Variants in DARS1 observed in about 807,000 individuals in gnomAD.
The protein encoded by DARS1 is aspartate--tRNA ligase, cytoplasmic.
DARS1 carries 51 observed loss-of-function variants against 68.8 expected under a neutral mutation model. The ratio of observed to expected loss-of-function variants is 0.74; its 90% confidence interval spans 0.59 to 0.94. The LOEUF (loss-of-function observed/expected upper bound fraction) is 0.94. Ranked by LOEUF, DARS1 falls within the 40% of genes least tolerant of loss-of-function variation. The pLI is 0.00. For missense variants in DARS1, 607 were observed against 597.3 expected, an observed-to-expected ratio of 1.02 and a Z score of -0.17; for synonymous variants, 203 against 190.4, an observed-to-expected ratio of 1.07 and a Z score of -0.55.
intron 5 of DARS1, among the ~76,000 whole-genome samples, chr2:135,936,025 G>C (rs942104968): frequency 1.1e-4 from 17 of 152,168 alleles, no homozygotes; most frequent in African/African-American, 4.1e-4. Flanking sequence ...GAGAGCTGAA[G>C]AGCTGCTACT....
intron 7 of DARS1, among the ~76,000 whole-genome samples, chr2:135,930,159 CA>C (rs1202921532): frequency 6.6e-6 from 1 of 152,130 alleles, no homozygotes; most frequent in Non-Finnish European, 1.5e-5. Flanking sequence ...CCCACAGGGT[CA>C]AAGTAGGGTT....
In DARS1 at chr2:135,922,762, A is replaced by G. The variant is rs199791854; in HGVS notation, c.811+22T>C. 6.3e-5 allele frequency: 96 copies of G among 1,524,724 alleles called. No homozygotes were observed. The African/African-American group carries it at 1.3e-3, about 20-fold the overall frequency. The allele number at this position is 1,524,724 out of a possible 1,614,324, so 94.4% of individuals were successfully genotyped here. The stretch of plus-strand genomic sequence containing the variant: ...CTGTATAATTAATTAACTTGGATAA[A>G]ACATAACTGCCAAAATCTTACCTGG... On this transcript the variant is annotated intron_variant, in intron 9 of 15. Coordinates refer to ENST00000264161, the MANE Select transcript of DARS1 (RefSeq NM_001349.4).
Position 135,916,375 on chromosome 2 carries a change from A to T in DARS1, c.960-3T>A. ...CTGTTTGAATTTCAGTCTGAAACCT[A>T]TTTGCAGAATGATTTAGTTAATAAA... On this transcript the variant is annotated splice_region_variant and splice_polypyrimidine_tract_variant and intron_variant, in intron 10 of 15. Coordinates refer to ENST00000264161, the MANE Select transcript of DARS1 (RefSeq NM_001349.4). 1 of 1,498,718 alleles carries T rather than the reference A, an allele frequency of 6.7e-7. No homozygotes were observed. The highest frequency in any genetic ancestry group is 9.3e-7 in the Non-Finnish European group (1 of 1,076,550). The allele number at this position is 1,498,718 out of a possible 1,614,324, so 92.8% of individuals were successfully genotyped here.
intron 12 of DARS1, among the ~76,000 whole-genome samples, chr2:135,913,867 A>C (rs950838110): frequency 6.6e-6 from 1 of 152,240 alleles, no homozygotes; most frequent in Non-Finnish European, 1.5e-5. Context: ...CTGCTGAAAC[A>C]GCATTTTAAA....
chr2:135,921,235 T>C (rs1308810888), intron 9 of DARS1, among the ~76,000 whole-genome samples: 2 of 151,610 alleles, frequency 1.3e-5, no homozygotes, highest in Non-Finnish European at 1.5e-5. Flanking sequence ...GCTCAGAAAC[T>C]TACAATGGTT....
intron 5 of DARS1, among the ~76,000 whole-genome samples, chr2:135,942,720 T>C (rs1681630746): frequency 6.6e-6 from 1 of 152,136 alleles, no homozygotes; most frequent in Admixed American, 6.6e-5. Flanking sequence ...TCAAAAAACT[T>C]ATAGCAAGAT....
chr2:135,936,778 A>G (rs1429255811), intron 5 of DARS1, among the ~76,000 whole-genome samples: 1 of 151,988 alleles, frequency 6.6e-6, no homozygotes, highest in Non-Finnish European at 1.5e-5. Flanking sequence ...AGTAAAAATT[A>G]CAAGGTTTTG....
intron 10 of DARS1, among the ~76,000 whole-genome samples, chr2:135,920,094 C>T (rs1306274842): frequency 2.0e-5 from 3 of 152,154 alleles, no homozygotes; most frequent in Non-Finnish European, 2.9e-5. Context: ...TACACACTAC[C>T]CTCATACTGT....
In DARS1 at chr2:135,971,549, T is replaced by G. The variant is rs935682065; in HGVS notation, c.217+7725A>C. On this transcript the variant is annotated intron_variant, in intron 3 of 15. Transcript: ENST00000264161. ...CTGGAACACGACAAGGATGCTCATT[T>G]TCACCACTGTTATTCAACATAGGAC... 2.0e-5 allele frequency among the ~76,000 whole-genome samples: 3 copies of G among 152,202 alleles called. No individual in the cohort carries two copies. The South Asian group carries it at 6.2e-4, about 31-fold the overall frequency.
rs551475046 is a variant in DARS1 at position 135,906,168 on chromosome 2, A to G, written c.*1148T>C. ...CCTTTAACTTTCAAACATAATGGGCAGATGTTCGTGGTCCAGGGGTAACTT... is the reference window on the plus strand; with the variant it reads ...CCTTTAACTTTCAAACATAATGGGCGGATGTTCGTGGTCCAGGGGTAACTT... On this transcript the variant is annotated 3_prime_UTR_variant, in exon 16 of 16. Transcript: ENST00000264161. Among the ~76,000 whole-genome samples the G allele has an allele frequency of 8.7e-4, 132 of 152,334 alleles. 3 individuals carry two copies. Among genetic ancestry groups the G allele is most frequent in the African/African-American group, 2.8e-3 (115 of 41,562 alleles).
intron 10 of DARS1, among the ~76,000 whole-genome samples, chr2:135,919,241 G>T (rs1681065641): frequency 6.6e-6 from 1 of 152,012 alleles, no homozygotes; most frequent in African/African-American, 2.4e-5. Flanking sequence ...AAGTTGGCCG[G>T]GTCGGTCTTG....
chr2:135,942,654 AAT>A (rs1287903157), intron 5 of DARS1, among the ~76,000 whole-genome samples: 1 of 152,218 alleles, frequency 6.6e-6, no homozygotes, highest in African/African-American at 2.4e-5. Context: ...AAAGTATAAA[AAT>A]AAAGGAAAAG....
Position 135,962,096 on chromosome 2 carries a change from T to C in DARS1, c.218-598A>G, listed in dbSNP as rs565661821. Among the ~76,000 whole-genome samples, 4 of 152,336 alleles carry C rather than the reference T, an allele frequency of 2.6e-5. No individual in the cohort carries two copies. In the South Asian group the frequency reaches 8.3e-4, roughly 32 times the overall value. On this transcript the variant is annotated intron_variant, in intron 3 of 15. Transcript: ENST00000264161. ...CACCTTCCTAGTCCTTCATATTTTA[T>C]GAGTCTCGCATTTTTTTTTACTCCA...
intron 3 of DARS1, among the ~76,000 whole-genome samples, chr2:135,975,242 G>GGT (rs1682469161): frequency 6.6e-6 from 1 of 152,094 alleles, no homozygotes; most frequent in Non-Finnish European, 1.5e-5. Flanking sequence ...CTACTTGGGA[G>GGT]GCTGAGGCAG....
chr2:135,983,454 C>A lies in DARS1; in HGVS notation c.67G>T (p.Asp23Tyr). The A allele has an allele frequency of 8.7e-7, 1 of 1,153,152 alleles. No homozygotes were observed. The highest frequency in any genetic ancestry group is 1.3e-6 in the Non-Finnish European group (1 of 775,584). The allele number at this position is 1,153,152 out of a possible 1,614,324, so 71.4% of individuals were successfully genotyped here. A position where few individuals can be genotyped will look rare whatever the true frequency, so the allele number is the denominator to read the frequency against. Residue 23 changes from aspartate (D) to tyrosine (Y), a missense_variant and splice_region_variant, in exon 2 of 16, where the codon GAT becomes TAT. By Grantham distance (160) the Asp-to-Tyr change is radical. Coordinates refer to ENST00000264161, the MANE Select transcript of DARS1 (RefSeq NM_001349.4). ...ATTCCATATCTCTCTTTAGCATAAT[C>A]CTACAAAAAAAGTTTTTTGCATCGT... The part of the protein sequence containing the change: ...KPREIMDAAE[D>Y]YAKERYGISS...
chr2:135,913,736 C>T (rs1348367036), intron 12 of DARS1, among the ~76,000 whole-genome samples: 1 of 149,510 alleles, frequency 6.7e-6, no homozygotes, highest in Non-Finnish European at 1.5e-5. Context: ...CCAGCCTGGG[C>T]AACAAGAGCG....
intron 5 of DARS1, among the ~76,000 whole-genome samples, chr2:135,937,156 T>G (rs957818569): frequency 1.3e-5 from 2 of 152,160 alleles, no homozygotes; most frequent in African/African-American, 4.8e-5. Context: ...TGGTGCGATC[T>G]TGGCTCACTG....
intron 3 of DARS1, among the ~76,000 whole-genome samples, chr2:135,967,318 G>A (rs1288895651): frequency 6.6e-6 from 1 of 152,164 alleles, no homozygotes; most frequent in African/African-American, 2.4e-5. Context: ...ATAGATTTAA[G>A]TTGAAGTTAT....
At chr2:135,908,146 T>C (rs530233875) in intron 15 of DARS1, among the ~76,000 whole-genome samples, 3 of 152,338 alleles carry the variant, frequency 2.0e-5, no homozygotes, top group African/African-American at 7.2e-5. Flanking sequence ...ACAATTTGTG[T>C]AAAAATATTT....
Sources: gnomAD v4.1 joint callset for allele counts (sites outside exome capture counted in the v4.1 genomes callset) on GRCh38, gnomAD v4.1.1 for gene constraint, MANE v1.5 for transcripts, NCBI Gene and HGNC (gene_info 2026-07-23, HGNC 2026-07-21) for gene names.